The following JPH2 variants were observed in gnomAD, a reference collection of about 807,000 sequenced individuals.
JPH2 encodes junctophilin 2.
A neutral mutation model predicts 55.9 loss-of-function variants in JPH2; 38 were observed. That is an observed-to-expected ratio of 0.68 (90% CI 0.52 to 0.89). The LOEUF (loss-of-function observed/expected upper bound fraction) is 0.89. JPH2 is among the 40% of genes least tolerant of loss of function. The pLI is 0.00. For missense variants in JPH2, 964 were observed against 1,037.6 expected, an observed-to-expected ratio of 0.93 and a Z score of 0.97; for synonymous variants, 480 against 472.4, an observed-to-expected ratio of 1.02 and a Z score of -0.21.
At chr20:44,175,334 C>A (rs2072725786) in intron 1 of JPH2, among the ~76,000 whole-genome samples, 1 of 152,192 alleles carries the variant, frequency 6.6e-6, no homozygotes, top group Admixed American at 6.5e-5. Flanking sequence ...GGTGGGTCCA[C>A]CTCTGTCTTT....
Position 44,156,377 on chromosome 20 carries a change from A to G in JPH2, c.1169+3241T>C, listed in dbSNP as rs574732632. Among the ~76,000 whole-genome samples the G allele has an allele frequency of 1.3e-3, 191 of 152,362 alleles. 1 individual carries two copies. Among genetic ancestry groups the G allele is most frequent in the South Asian group, 5.4e-3 (26 of 4,830 alleles). On this transcript the variant is annotated intron_variant, in intron 2 of 5. Transcript: ENST00000372980. ...TTCCCACCTAAAAGTTTTATTTTTAAAAAGTGCTCCCTTTTACTCACAGAA... is the reference window on the plus strand; with the variant it reads ...TTCCCACCTAAAAGTTTTATTTTTAGAAAGTGCTCCCTTTTACTCACAGAA...
intron 2 of JPH2, among the ~76,000 whole-genome samples, chr20:44,134,879 T>C (rs1292995964): frequency 1.6e-4 from 2 of 12,266 alleles, no homozygotes; most frequent in South Asian, 2.4e-3. Context: ...TATATATTTA[T>C]ATATATATTA....
chr20:44,118,679 C>T, intron 2 of JPH2, 56 bp from the exon 3 acceptor site: 2 of 1,341,632 alleles, frequency 1.5e-6, no homozygotes, highest in South Asian at 2.3e-5. Flanking sequence ...CAGCCTTCTG[C>T]CCCTTCTCCC....
chr20:44,141,408 G>C (rs2072455539), intron 2 of JPH2, among the ~76,000 whole-genome samples: 2 of 152,132 alleles, frequency 1.3e-5, no homozygotes, highest in South Asian at 4.1e-4. Context: ...GGCAGATGGA[G>C]GCGGGTCCCT....
intron 2 of JPH2, among the ~76,000 whole-genome samples, chr20:44,139,544 T>C (rs529755848): frequency 1.5e-4 from 23 of 152,114 alleles, no homozygotes; most frequent in Non-Finnish European, 2.9e-4. Context: ...CTCCAATATA[T>C]ACACAGCAAA....
chr20:44,134,057 TATTATAA>T (rs1293174766), intron 2 of JPH2, among the ~76,000 whole-genome samples: 1 of 30,300 alleles, frequency 3.3e-5, no homozygotes, highest in Non-Finnish European at 5.1e-5. Flanking sequence ...AATATATATT[TATTATAA>T]ATATATAAAT....
At chr20:44,183,617 C>T (rs1041653809) in intron 1 of JPH2, among the ~76,000 whole-genome samples, 1 of 152,210 alleles carries the variant, frequency 6.6e-6, no homozygotes, top group East Asian at 1.9e-4. Flanking sequence ...CTACCCTGAT[C>T]CCAGCCCCAG....
At chr20:44,134,941 A>G (rs112673422) in intron 2 of JPH2, among the ~76,000 whole-genome samples, 7 of 130,578 alleles carry the variant, frequency 5.4e-5, no homozygotes, top group Non-Finnish European at 9.4e-5. Context: ...ATATATATAA[A>G]ACCACCTGTG....
At chr20:44,183,968 G>A (rs549018036) in intron 1 of JPH2, among the ~76,000 whole-genome samples, 7 of 151,808 alleles carry the variant, frequency 4.6e-5, no homozygotes, top group African/African-American at 7.3e-5. Flanking sequence ...CCTGGCCAAC[G>A]TGGCAAAATC....
chr20:44,116,237 G>A lies in JPH2; in HGVS notation c.1438C>T (p.Pro480Ser). The A allele has an allele frequency of 1.4e-6, 2 of 1,459,014 alleles. No individual in the cohort carries two copies. The highest frequency in any genetic ancestry group is 1.8e-6 in the Non-Finnish European group (2 of 1,114,392). The allele number at this position is 1,459,014 out of a possible 1,614,324, so 90.4% of individuals were successfully genotyped here. A position where few individuals can be genotyped will look rare whatever the true frequency, so the allele number is the denominator to read the frequency against. Residue 480 changes from proline (P) to serine (S), a missense_variant, in exon 4 of 6, where the codon CCC (proline) becomes TCC (serine). By Grantham distance (74) the Pro-to-Ser change is moderately conservative. Transcript: ENST00000372980. ...PQLHERETPRPEGGSPSPAGT... is the reference protein window; with the variant it reads ...PQLHERETPRSEGGSPSPAGT... ...GCCGGTGACGGGGAGCCACCCTCGGGCCGAGGGGTCTCACGCTCGTGCAGC... is the reference window on the plus strand; with the variant it reads ...GCCGGTGACGGGGAGCCACCCTCGGACCGAGGGGTCTCACGCTCGTGCAGC...
Position 44,111,068 on chromosome 20 carries a change from C to T in JPH2, c.*2450G>A, listed in dbSNP as rs1439918463. ...AAGAGAACTGCTTTCCTGCCACCAA[C>T]TTGCTGTGTGCGTGACCTTGGGCAA... On this transcript the variant is annotated 3_prime_UTR_variant, in exon 6 of 6. Coordinates refer to ENST00000372980, the MANE Select transcript of JPH2 (RefSeq NM_020433.5). Among the ~76,000 whole-genome samples, 1 of 152,248 alleles carries T rather than the reference C, an allele frequency of 6.6e-6. No individual in the cohort carries two copies. The highest frequency in any genetic ancestry group is 1.5e-5 in the Non-Finnish European group (1 of 68,048).
In JPH2 at chr20:44,186,523, C is replaced by T. The variant is rs2072845364; in HGVS notation, c.183G>A (p.Glu61=). 6.2e-7 allele frequency: 1 copy of T among 1,613,848 alleles called. No individual in the cohort carries two copies. The highest frequency in any genetic ancestry group is 8.5e-7 in the Non-Finnish European group (1 of 1,179,758). ...GCCGTTTGCCCTGGCTCCAGTATCCCTCAAAGGTGTTTCCGCTGGGCCAGG... is the reference window on the plus strand; with the variant it reads ...GCCGTTTGCCCTGGCTCCAGTATCCTTCAAAGGTGTTTCCGCTGGGCCAGG... ...VYTWPSGNTF[E]GYWSQGKRHG... Residue 61 remains glutamate (E), a synonymous_variant, in exon 1 of 6, where the codon GAG becomes GAA. Transcript: ENST00000372980.
At position 44,115,966 on chromosome 20, in the gene JPH2, G is replaced by A; in HGVS notation, c.1709C>T (p.Ala570Val). The A allele has an allele frequency of 1.3e-6, 2 of 1,575,020 alleles. No individual in the cohort carries two copies. The highest frequency in any genetic ancestry group is 1.1e-5 in the South Asian group (1 of 88,412). Reference protein sequence around the residue: ...VALYQGYHSYAVRTTPPEPPP... With the variant: ...VALYQGYHSYVVRTTPPEPPP... ...GGGCTCGGGCGGCGTGGTGCGCACA[G>A]CATAGCTGTGGTAGCCCTGGTAAAG... The change falls in exon 4 of 6, where the codon GCT becomes GTT. Residue 570 changes from alanine to valine, a missense_variant. Coordinates refer to ENST00000372980, the MANE Select transcript of JPH2 (RefSeq NM_020433.5).
chr20:44,115,065 T>C (rs1023847146), intron 4 of JPH2, among the ~76,000 whole-genome samples, 189 bp from the exon 5 acceptor site: 8 of 152,012 alleles, frequency 5.3e-5, no homozygotes, highest in Non-Finnish European at 8.8e-5. Flanking sequence ...CTCTTAGAAA[T>C]AACCAAATCC....
intron 2 of JPH2, among the ~76,000 whole-genome samples, chr20:44,149,272 G>A (rs1279207377): frequency 6.6e-6 from 1 of 151,820 alleles, no homozygotes; most frequent in Non-Finnish European, 1.5e-5. Context: ...CCTCACTGAC[G>A]CCCAGCCTAC....
chr20:44,143,977 C>T (rs1030127109), intron 2 of JPH2, among the ~76,000 whole-genome samples: 4 of 151,862 alleles, frequency 2.6e-5, no homozygotes, highest in Non-Finnish European at 5.9e-5. Context: ...ACCAGAGGCT[C>T]GAGAGGCAAG....
chr20:44,181,300 C>T (rs943465379), intron 1 of JPH2, among the ~76,000 whole-genome samples: 1 of 152,222 alleles, frequency 6.6e-6, no homozygotes. Context: ...CTTTACATTG[C>T]AAAACACACA....
rs2072599611 is a variant in JPH2 at position 44,160,198 on chromosome 20, G to T, written c.589C>A (p.Arg197Ser). 5.0e-6 allele frequency: 7 copies of T among 1,403,544 alleles called. No homozygotes were observed. The highest frequency in any genetic ancestry group is 6.4e-6 in the Non-Finnish European group (7 of 1,088,770). 86.9% of individuals were successfully genotyped at this position (1,403,544 alleles called of 1,614,324 possible). A position where few individuals can be genotyped will look rare whatever the true frequency, so the allele number is the denominator to read the frequency against. The change falls in exon 2 of 6, where the codon CGT (arginine) becomes AGT (serine). Residue 197 changes from arginine (R) to serine (S), a missense_variant. Transcript: ENST00000372980. This position sits in a 1 kb window ranked among gnomAD's most constrained non-coding sequence, Gnocchi z 4.9. The part of the protein sequence containing the change: ...GPALPSPAIP[R>S]GGFALSLLAN... ...AGGAGGCTGAGCGCGAAGCCGCCAC[G>T]CGGGATGGCGGGCGAGGGCAGCGCG...
At chr20:44,167,703 G>A (rs758064187) in intron 1 of JPH2, among the ~76,000 whole-genome samples, 1 of 152,188 alleles carries the variant, frequency 6.6e-6, no homozygotes, top group Non-Finnish European at 1.5e-5. Context: ...AAACTCTGAC[G>A]TTGAATAGTT....
Sources: gnomAD v4.1 joint callset for allele counts (sites outside exome capture counted in the v4.1 genomes callset) on GRCh38, gnomAD v4.1.1 for gene constraint, Gnocchi (gnomAD v3.1) non-coding constraint, MANE v1.5 for transcripts, NCBI Gene and HGNC (gene_info 2026-07-23, HGNC 2026-07-21) for gene names.